Variants in FGF2 observed in about 807,000 individuals in gnomAD.
The protein encoded by FGF2 is basic fibroblast growth factor bFGF.
Under a neutral mutation model 15.9 loss-of-function variants are expected in FGF2, and 13 were observed. The observed-to-expected ratio is 0.82, with a 90% CI of 0.53 to 1.30. FGF2 has a LOEUF of 1.30. FGF2 is among the 50% of genes most tolerant of loss of function. FGF2 has a pLI of 0.00. For missense variants in FGF2, 163 were observed against 196.9 expected (o/e 0.83, Z 1.03); for synonymous variants, 90 against 78.4 (o/e 1.15, Z -0.78).
At chr4:122,855,612 A>G (rs1364754261) in intron 1 of FGF2, among the ~76,000 whole-genome samples, 3 of 152,156 alleles carry the variant, frequency 2.0e-5, no homozygotes, top group Admixed American at 6.5e-5. Flanking sequence ...TTCCACCTCC[A>G]GCTTTGGAAG....
upstream of FGF2, chr4:122,826,727 C>G: frequency 3.2e-6 from 4 of 1,255,840 alleles, no homozygotes; most frequent in Non-Finnish European, 4.0e-6. Flanking sequence ...AAAACCCGAG[C>G]GAGTAGGGGG....
chr4:122,855,120 C>A (rs905969831), intron 1 of FGF2, among the ~76,000 whole-genome samples: 2 of 152,170 alleles, frequency 1.3e-5, no homozygotes, highest in Non-Finnish European at 1.5e-5. Context: ...TTGGCATTCA[C>A]CCCTAGGGAA....
At chr4:122,844,793 C>A (rs1726076286) in intron 1 of FGF2, among the ~76,000 whole-genome samples, 1 of 151,970 alleles carries the variant, frequency 6.6e-6, no homozygotes, top group Non-Finnish European at 1.5e-5. Flanking sequence ...TGCACCACCA[C>A]ACCCAGCTAT....
chr4:122,863,229 A>AT (rs1383036068), intron 1 of FGF2, among the ~76,000 whole-genome samples: 1 of 152,092 alleles, frequency 6.6e-6, no homozygotes, highest in Non-Finnish European at 1.5e-5. Flanking sequence ...TCACTTCTTT[A>AT]TTTTTCTTAA....
At chr4:122,837,616 A>G (rs1009094473) in intron 1 of FGF2, among the ~76,000 whole-genome samples, 5 of 151,286 alleles carry the variant, frequency 3.3e-5, no homozygotes, top group Admixed American at 6.6e-5. Context: ...TCTTATAGCT[A>G]TTTCTAGTGT....
At chr4:122,826,818 C>T (rs1345803406), upstream of FGF2, 2 of 1,454,438 alleles carry the variant, frequency 1.4e-6, no homozygotes, top group South Asian at 1.4e-5. Context: ...TGTGACGCCG[C>T]GGCCCGGCGG....
intron 1 of FGF2, among the ~76,000 whole-genome samples, chr4:122,873,651 C>T (rs1480423803): frequency 6.6e-6 from 1 of 152,116 alleles, no homozygotes; most frequent in Non-Finnish European, 1.5e-5. Flanking sequence ...GGAGATGAAG[C>T]AGCTATGCAT....
chr4:122,851,939 A>G (rs1323771882), intron 1 of FGF2, among the ~76,000 whole-genome samples: 2 of 152,246 alleles, frequency 1.3e-5, no homozygotes, highest in African/African-American at 2.4e-5. Flanking sequence ...AGCTGATAAT[A>G]GCTACTATGT....
Position 122,893,073 on chromosome 4 carries a change from TG to T in FGF2, c.*679del. The T allele has an allele frequency of 6.2e-7, 1 of 1,614,184 alleles. No homozygotes were observed. Among genetic ancestry groups the T allele is most frequent in the Non-Finnish European group, 8.5e-7 (1 of 1,180,032 alleles). On this transcript the variant is annotated 3_prime_UTR_variant, in exon 3 of 3. Transcript: ENST00000644866. The stretch of plus-strand genomic sequence containing the variant: ...AAGCATTCTTCCTGGCAAAAATTTA[TG>T]GTGAATGAATATGGCTTTAGGCGGC...
intron 1 of FGF2, among the ~76,000 whole-genome samples, chr4:122,852,698 C>T (rs567763948): frequency 6.6e-6 from 1 of 152,298 alleles, no homozygotes; most frequent in South Asian, 2.1e-4. Flanking sequence ...AGTTGAAACC[C>T]CCTAAACACA....
At chr4:122,867,445 A>G (rs1443963227) in intron 1 of FGF2, among the ~76,000 whole-genome samples, 5 of 152,222 alleles carry the variant, frequency 3.3e-5, no homozygotes, top group Non-Finnish European at 7.3e-5. Context: ...ACAATTCAAG[A>G]CCAGTAGGCA....
intron 1 of FGF2, among the ~76,000 whole-genome samples, chr4:122,866,843 C>A (rs962136427): frequency 2.0e-5 from 3 of 152,166 alleles, no homozygotes; most frequent in African/African-American, 7.2e-5. Flanking sequence ...TATACTCCCC[C>A]CAAAAGAAAA....
chr4:122,863,948 G>C (rs1038618835), intron 1 of FGF2, among the ~76,000 whole-genome samples: 3 of 152,046 alleles, frequency 2.0e-5, no homozygotes, highest in African/African-American at 7.2e-5. Context: ...CAAGAATAAT[G>C]TTCTTTACTC....
At chr4:122,867,508 T>A (rs1360857414) in intron 1 of FGF2, among the ~76,000 whole-genome samples, 1 of 152,170 alleles carries the variant, frequency 6.6e-6, no homozygotes, top group East Asian at 1.9e-4. Flanking sequence ...CTGTTAAAAA[T>A]ATATATTTTT....
At chr4:122,832,945 A>T (rs1192672824) in intron 1 of FGF2, among the ~76,000 whole-genome samples, 1 of 152,182 alleles carries the variant, frequency 6.6e-6, no homozygotes, top group African/African-American at 2.4e-5. Context: ...CTTCCAGGGG[A>T]ACTCACCCTT....
chr4:122,860,213 A>G (rs1236794730), intron 1 of FGF2, among the ~76,000 whole-genome samples: 2 of 151,658 alleles, frequency 1.3e-5, no homozygotes, highest in Non-Finnish European at 3.0e-5. Flanking sequence ...TTATCATCAT[A>G]AATATTTTTT....
At chr4:122,869,761 A>G (rs1379981410) in intron 1 of FGF2, among the ~76,000 whole-genome samples, 1 of 152,210 alleles carries the variant, frequency 6.6e-6, no homozygotes, top group African/African-American at 2.4e-5. Flanking sequence ...TTTTCTAAAT[A>G]TACAATCATG....
chr4:122,851,507 A>T (rs1346370637), intron 1 of FGF2, among the ~76,000 whole-genome samples: 1 of 152,184 alleles, frequency 6.6e-6, no homozygotes, highest in East Asian at 1.9e-4. Flanking sequence ...CTTTGATCCT[A>T]AAGCAAATAG....
chr4:122,879,609 G>A (rs1578476977), intron 2 of FGF2, among the ~76,000 whole-genome samples: 1 of 152,308 alleles, frequency 6.6e-6, no homozygotes, highest in Middle Eastern at 3.4e-3. Context: ...TTTTCATGCT[G>A]CCGATAAAGA....
Sources: allele counts gnomAD v4.1 joint callset (sites outside exome capture counted in the v4.1 genomes callset), GRCh38; gene constraint gnomAD v4.1.1; transcripts MANE v1.5; gene names NCBI Gene and HGNC (gene_info 2026-07-23, HGNC 2026-07-21).